Variants in CARMIL1 observed in about 807,000 individuals in gnomAD.
The protein encoded by CARMIL1 is F-actin-uncapping protein LRRC16A.
Under a neutral mutation model 177.1 loss-of-function variants are expected in CARMIL1, and 90 were observed. The observed-to-expected ratio is 0.51, with a 90% confidence interval of 0.43 to 0.61. The LOEUF is 0.61. CARMIL1 is among the 20% of genes least tolerant of loss of function. The probability of loss-of-function intolerance (pLI) is 0.00; values close to 1 mark genes in which losing one functional copy is unlikely to be tolerated. For synonymous variants in CARMIL1, 577 were observed against 606.2 expected (o/e 0.95, Z 0.71); for missense variants, 1,380 against 1,667.0 (o/e 0.83, Z 3.00).
At chr6:25,363,483 C>G (rs2150402156) in intron 2 of CARMIL1, among the ~76,000 whole-genome samples, 1 of 152,222 alleles carries the variant, frequency 6.6e-6, no homozygotes. Context: ...CTGTAACTTT[C>G]TCCATTGGTT....
intron 2 of CARMIL1, among the ~76,000 whole-genome samples, chr6:25,346,998 T>C (rs1787577545): frequency 6.6e-6 from 1 of 152,204 alleles, no homozygotes; most frequent in Non-Finnish European, 1.5e-5. Context: ...TTTAAATGTA[T>C]CTTGCCTTAT....
chr6:25,598,015 T>C (rs190478749), intron 32 of CARMIL1, among the ~76,000 whole-genome samples: 1 of 152,292 alleles, frequency 6.6e-6, no homozygotes, highest in African/African-American at 2.4e-5. Flanking sequence ...TTCCTGCTCC[T>C]GGAAGCATTT....
At chr6:25,361,944 G>A (rs1789239133) in intron 2 of CARMIL1, among the ~76,000 whole-genome samples, 1 of 150,990 alleles carries the variant, frequency 6.6e-6, no homozygotes, top group Non-Finnish European at 1.5e-5. Context: ...TTCTTTTTCA[G>A]GACCCATAAG....
At chr6:25,380,672 C>T (rs1405407830) in intron 2 of CARMIL1, among the ~76,000 whole-genome samples, 3 of 152,122 alleles carry the variant, frequency 2.0e-5, no homozygotes, top group Admixed American at 2.0e-4. Context: ...ATTGATAGTT[C>T]TTCCTTTTTA....
intron 26 of CARMIL1, among the ~76,000 whole-genome samples, chr6:25,548,732 C>T (rs182898003): frequency 1.6e-4 from 24 of 152,186 alleles, no homozygotes; most frequent in African/African-American, 5.8e-4. Context: ...GAAGCAGAGA[C>T]GGAAGGCACA....
chr6:25,420,281 AC>A (rs1269615703), intron 3 of CARMIL1, 117 bp downstream of exon 3: 37 of 842,216 alleles, frequency 4.4e-5, no homozygotes, highest in Non-Finnish European at 7.2e-5. Flanking sequence ...CTGCAACACA[AC>A]ACACACACAC....
intron 33 of CARMIL1, among the ~76,000 whole-genome samples, chr6:25,602,771 G>T (rs1421518886): frequency 6.6e-6 from 1 of 152,016 alleles, no homozygotes; most frequent in Non-Finnish European, 1.5e-5. Context: ...ATATACTGTT[G>T]ATAAAATATA....
intron 29 of CARMIL1, among the ~76,000 whole-genome samples, chr6:25,562,777 C>T (rs1811247075): frequency 6.6e-6 from 1 of 152,120 alleles, no homozygotes; most frequent in African/African-American, 2.4e-5. Context: ...AAATAAATCC[C>T]TCCACAAAAT....
At chr6:25,452,276 C>A in intron 8 of CARMIL1, 1 of 756,116 alleles carries the variant, frequency 1.3e-6, no homozygotes, top group Non-Finnish European at 2.4e-6. Flanking sequence ...ATAAGTGAGG[C>A]AACTTTATAC....
At chr6:25,594,694 C>T (rs1814650413) in intron 32 of CARMIL1, among the ~76,000 whole-genome samples, 167 bp downstream of exon 32, 1 of 152,106 alleles carries the variant, frequency 6.6e-6, no homozygotes, top group South Asian at 2.1e-4. Context: ...TCAACTGGGA[C>T]CTTGTTAGAA....
At chr6:25,591,542 C>G (rs1029611942) in intron 31 of CARMIL1, among the ~76,000 whole-genome samples, 1 of 152,170 alleles carries the variant, frequency 6.6e-6, no homozygotes, top group Admixed American at 6.5e-5. Flanking sequence ...AGACCAAAAG[C>G]AAATGGGATT....
intron 22 of CARMIL1, among the ~76,000 whole-genome samples, chr6:25,519,114 T>C (rs1282060216): frequency 1.3e-5 from 2 of 152,244 alleles, no homozygotes; most frequent in African/African-American, 4.8e-5. Flanking sequence ...GTTTTCTTTA[T>C]TATTTATTCT....
intron 11 of CARMIL1, among the ~76,000 whole-genome samples, chr6:25,478,506 G>A (rs1243972639): frequency 6.6e-6 from 1 of 152,072 alleles, no homozygotes; most frequent in East Asian, 1.9e-4. Flanking sequence ...TTTAAAAATG[G>A]CATAGATTGG....
At position 25,450,727 on chromosome 6, in the gene CARMIL1, C is replaced by A; in HGVS notation, c.614+16C>A. 5.7e-6 allele frequency: 7 copies of A among 1,230,642 alleles called. No homozygotes were observed. The highest frequency in any genetic ancestry group is 7.5e-6 in the Non-Finnish European group (7 of 934,316). 76.2% of individuals were successfully genotyped at this position (1,230,642 alleles called of 1,614,324 possible). A position where few individuals can be genotyped will look rare whatever the true frequency, so the allele number is the denominator to read the frequency against. On this transcript the variant is annotated intron_variant, in intron 8 of 36. Coordinates refer to ENST00000329474, the MANE Select transcript of CARMIL1 (RefSeq NM_017640.6). ...TTGACCACAGGTAAGCTGCTTCCTT[C>A]CTTCTTTCCTCCTTTCCTCCCTCCC...
intron 29 of CARMIL1, among the ~76,000 whole-genome samples, chr6:25,559,433 T>C (rs1810920491): frequency 6.6e-6 from 1 of 152,202 alleles, no homozygotes; most frequent in Admixed American, 6.5e-5. Flanking sequence ...CTATCTTAAG[T>C]GATCCGGAAA....
At chr6:25,378,900 A>C (rs1017694341) in intron 2 of CARMIL1, among the ~76,000 whole-genome samples, 10 of 151,766 alleles carry the variant, frequency 6.6e-5, no homozygotes, top group African/African-American at 2.2e-4. Flanking sequence ...AAAAAAAAAA[A>C]AACAGGTGTT....
At chr6:25,567,108 G>T (rs1811624722) in intron 29 of CARMIL1, among the ~76,000 whole-genome samples, 2 of 152,174 alleles carry the variant, frequency 1.3e-5, no homozygotes, top group Admixed American at 6.5e-5. Context: ...TTGCAATAAG[G>T]AGTAGCTGCA....
At chr6:25,305,112 G>C (rs1160772115) in intron 2 of CARMIL1, among the ~76,000 whole-genome samples, 1 of 152,146 alleles carries the variant, frequency 6.6e-6, no homozygotes, top group Non-Finnish European at 1.5e-5. Context: ...TGCTGTCCTG[G>C]TGGCAGAAGA....
intron 2 of CARMIL1, among the ~76,000 whole-genome samples, chr6:25,385,446 G>C (rs1257297929): frequency 6.6e-6 from 1 of 152,154 alleles, no homozygotes; most frequent in Non-Finnish European, 1.5e-5. Context: ...AGACAGAGTA[G>C]ATAAGTGAGA....
Sources: allele counts gnomAD v4.1 joint callset (sites outside exome capture counted in the v4.1 genomes callset), GRCh38; gene constraint gnomAD v4.1.1; transcripts MANE v1.5; gene names NCBI Gene and HGNC (gene_info 2026-07-23, HGNC 2026-07-21).